Variants in SHROOM3 observed in about 807,000 individuals in gnomAD.
SHROOM3 encodes protein Shroom3.
In SHROOM3, 47 loss-of-function variants were observed where a neutral mutation model predicts 138.6. That is an observed-to-expected ratio of 0.34 (90% CI 0.27 to 0.43). The LOEUF is 0.43. Ranked by LOEUF, SHROOM3 falls within the 20% of genes least tolerant of loss-of-function variation. The probability of loss-of-function intolerance (pLI) is 1.00; values close to 1 mark genes in which losing one functional copy is unlikely to be tolerated. For synonymous variants in SHROOM3, 1,062 were observed against 1,063.3 expected (o/e 1.00, Z 0.02); for missense variants, 2,491 against 2,596.5 (o/e 0.96, Z 0.88).
intron 2 of SHROOM3, among the ~76,000 whole-genome samples, chr4:76,562,241 C>G (rs1355292839): frequency 6.6e-6 from 1 of 152,138 alleles, no homozygotes; most frequent in Non-Finnish European, 1.5e-5. Context: ...TCCCTCCTAA[C>G]AAAAATGGTG....
At chr4:76,620,838 G>T (rs1351136593) in intron 2 of SHROOM3, among the ~76,000 whole-genome samples, 1 of 152,082 alleles carries the variant, frequency 6.6e-6, no homozygotes, top group African/African-American at 2.4e-5. Context: ...TAGTGAGGAG[G>T]CATTTCTCCA....
chr4:76,636,146 G>T (rs1179122801), intron 2 of SHROOM3, among the ~76,000 whole-genome samples: 1 of 152,152 alleles, frequency 6.6e-6, no homozygotes, highest in Non-Finnish European at 1.5e-5. Context: ...TGTGATTGAT[G>T]TCTCTTTTAT....
intron 1 of SHROOM3, among the ~76,000 whole-genome samples, chr4:76,488,478 A>T (rs947835087): frequency 3.3e-5 from 5 of 152,236 alleles, no homozygotes; most frequent in African/African-American, 1.2e-4. Flanking sequence ...ACATTGTTTC[A>T]TTGGAGAGGA....
chr4:76,557,413 T>C (rs967334195), intron 2 of SHROOM3, among the ~76,000 whole-genome samples: 6 of 152,038 alleles, frequency 3.9e-5, no homozygotes, highest in Non-Finnish European at 7.4e-5. Flanking sequence ...TATAAAAAAG[T>C]CAAACTCACA....
intron 2 of SHROOM3, among the ~76,000 whole-genome samples, chr4:76,577,058 A>G (rs925451032): frequency 2.0e-5 from 3 of 152,284 alleles, no homozygotes; most frequent in South Asian, 2.1e-4. Flanking sequence ...CTCCTGGTAA[A>G]CATGAGTATT....
chr4:76,533,662 G>A (rs186033644), intron 1 of SHROOM3, among the ~76,000 whole-genome samples: 19 of 152,226 alleles, frequency 1.2e-4, no homozygotes, highest in Non-Finnish European at 4.4e-5. Context: ...CTATGAAAAT[G>A]TTTCATATTT....
At chr4:76,633,332 C>CAAAAA (rs56002974) in intron 2 of SHROOM3, among the ~76,000 whole-genome samples, 29 of 83,840 alleles carry the variant, frequency 3.5e-4, no homozygotes, top group Non-Finnish European at 4.4e-4. Context: ...GACTCAGTCT[C>CAAAAA]AAAAAAAAAA....
intron 2 of SHROOM3, among the ~76,000 whole-genome samples, chr4:76,653,286 G>A (rs1177979689): frequency 1.3e-5 from 2 of 151,830 alleles, no homozygotes; most frequent in East Asian, 3.9e-4. Flanking sequence ...TTACTGTTTG[G>A]GGTTGGATAG....
intron 1 of SHROOM3, 129 bp downstream of exon 1, chr4:76,436,349 A>G: frequency 1.2e-6 from 1 of 863,794 alleles, no homozygotes; most frequent in Admixed American, 2.4e-5. Context: ...CTTTCTGATT[A>G]TCTAGAAATA....
chr4:76,627,430 G>A (rs947177678), intron 2 of SHROOM3, among the ~76,000 whole-genome samples: 21 of 152,142 alleles, frequency 1.4e-4, no homozygotes, highest in Non-Finnish European at 3.1e-4. Flanking sequence ...TTCAGGTCTT[G>A]TAGATATGCC....
intron 2 of SHROOM3, among the ~76,000 whole-genome samples, chr4:76,637,310 A>G (rs148296058): frequency 2.0e-4 from 30 of 152,368 alleles, no homozygotes; most frequent in Non-Finnish European, 3.8e-4. Flanking sequence ...TGCAGATGCA[A>G]TAGGCACAGG....
chr4:76,470,096 G>T (rs1013907344), intron 1 of SHROOM3, among the ~76,000 whole-genome samples: 5 of 152,064 alleles, frequency 3.3e-5, no homozygotes, highest in Non-Finnish European at 7.4e-5. Flanking sequence ...TTAACTCACT[G>T]ATTTCTTACA....
At chr4:76,730,073 C>CTATAGTCCTTACTGAAT in intron 3 of SHROOM3, among the ~76,000 whole-genome samples, 1 of 152,348 alleles carries the variant, frequency 6.6e-6, no homozygotes, top group Admixed American at 6.5e-5. Context: ...CTCTGACTTT[C>CTATAGTCCTTACTGAAT]TATAGTCCTT....
intron 2 of SHROOM3, among the ~76,000 whole-genome samples, chr4:76,578,895 C>T (rs940753004): frequency 5.9e-5 from 9 of 152,088 alleles, no homozygotes; most frequent in African/African-American, 1.2e-4. Flanking sequence ...GTTTTTTGTG[C>T]GAATTTAAAA....
Position 76,754,421 on chromosome 4 carries a change from C to G in SHROOM3, c.3938C>G (p.Pro1313Arg). 6.2e-7 allele frequency: 1 copy of G among 1,614,158 alleles called. No individual in the cohort carries two copies. The highest frequency in any genetic ancestry group is 8.5e-7 in the Non-Finnish European group (1 of 1,180,022). ...AAAGCCATTGGTGATTCCTCCGTTCCTAGTGAATGTCCTGGAACCCTGGAC... is the reference window on the plus strand; with the variant it reads ...AAAGCCATTGGTGATTCCTCCGTTCGTAGTGAATGTCCTGGAACCCTGGAC... ...GCKAIGDSSVPSECPGTLDHQ... is the reference protein window; with the variant it reads ...GCKAIGDSSVRSECPGTLDHQ... The change falls in exon 7 of 11, where the codon CCT (proline) becomes CGT (arginine). Residue 1313 changes from proline (P) to arginine (R), a missense_variant. This residue lies in a region of SHROOM3 where 1,733 missense variants were observed against 1,661.6 expected (regional missense o/e 1.04). Transcript: ENST00000296043.
intron 2 of SHROOM3, among the ~76,000 whole-genome samples, chr4:76,593,300 T>C (rs1734314237): frequency 6.6e-6 from 1 of 152,176 alleles, no homozygotes; most frequent in Non-Finnish European, 1.5e-5. Context: ...CCACACGACA[T>C]ACTAAAAGAA....
At chr4:76,507,656 C>T (rs1373151330) in intron 1 of SHROOM3, among the ~76,000 whole-genome samples, 1 of 151,684 alleles carries the variant, frequency 6.6e-6, no homozygotes, top group Non-Finnish European at 1.5e-5. Flanking sequence ...CCTGCCTCAG[C>T]CCCTCCCGAG....
chr4:76,450,850 C>T (rs2109969586), intron 1 of SHROOM3, among the ~76,000 whole-genome samples: 1 of 152,204 alleles, frequency 6.6e-6, no homozygotes, highest in Non-Finnish European at 1.5e-5. Context: ...TAAAGAAAAA[C>T]ACTACTTCTA....
At chr4:76,474,255 G>C (rs564519228) in intron 1 of SHROOM3, among the ~76,000 whole-genome samples, 19 of 152,324 alleles carry the variant, frequency 1.2e-4, no homozygotes, top group Non-Finnish European at 1.9e-4. Flanking sequence ...CACAGAGAGA[G>C]TATTAGTGGT....
Sources: gnomAD v4.1 joint callset for allele counts (sites outside exome capture counted in the v4.1 genomes callset) on GRCh38, gnomAD v4.1.1 for gene constraint, gnomAD v4.1.1 regional missense constraint, MANE v1.5 for transcripts, NCBI Gene and HGNC (gene_info 2026-07-23, HGNC 2026-07-21) for gene names.